The following PRSS48 variants were observed in gnomAD, a reference collection of about 807,000 sequenced individuals.
PRSS48 encodes the protein epidermis-specific serine protease-like protein.
PRSS48 carries 21 observed loss-of-function variants against 25.6 expected under a neutral mutation model. The observed-to-expected ratio is 0.82, with a 90% CI of 0.58 to 1.18. The LOEUF is 1.18. Ranked by LOEUF, PRSS48 falls within the 50% of genes most tolerant of loss-of-function variation. The pLI, the probability that PRSS48 is intolerant of heterozygous loss-of-function variation, is 0.00. For missense variants in PRSS48, 373 were observed against 399.3 expected, an observed-to-expected ratio of 0.93 and a Z score of 0.56; for synonymous variants, 150 against 149.3, an observed-to-expected ratio of 1.00 and a Z score of -0.04.
chr4:151,278,227 T>C (rs923311684), intron 1 of PRSS48, among the ~76,000 whole-genome samples: 4 of 152,186 alleles, frequency 2.6e-5, no homozygotes, highest in Admixed American at 2.6e-4. Context: ...ATATTCCTGA[T>C]GGTGACCTTG....
intron 2 of PRSS48, among the ~76,000 whole-genome samples, chr4:151,280,296 T>A (rs144668892): frequency 1.8e-4 from 27 of 152,222 alleles, no homozygotes; most frequent in African/African-American, 5.8e-4. Flanking sequence ...ATGTGGTGAG[T>A]GTCCCTATGG....
chr4:151,281,190 A>G (rs891042065), intron 2 of PRSS48, among the ~76,000 whole-genome samples: 3 of 152,342 alleles, frequency 2.0e-5, no homozygotes, highest in Non-Finnish European at 2.9e-5. Context: ...AGAATGCCTG[A>G]CAAGTTTGAA....
intron 4 of PRSS48, among the ~76,000 whole-genome samples, chr4:151,288,759 T>C (rs1180265445): frequency 6.6e-6 from 1 of 152,110 alleles, no homozygotes; most frequent in Non-Finnish European, 1.5e-5. Flanking sequence ...AAAACAATAT[T>C]CCATTTATAA....
At chr4:151,282,352 G>A in exon 3 of PRSS48, 1 of 1,613,888 alleles carries the variant, frequency 6.2e-7, no homozygotes, top group Non-Finnish European at 8.5e-7. Flanking sequence ...GTGTCACAAA[G>A]CAGTTGGCAA....
At position 151,282,455 on chromosome 4, in the gene PRSS48, T is replaced by C. The variant is rs777930048; in HGVS notation, c.481+42T>C. On this transcript the variant is annotated intron_variant, in intron 3 of 4. Transcript: ENST00000455694. The stretch of plus-strand genomic sequence containing the variant: ...AGAAGGGTTGTTTCATATGTCATCC[T>C]CTTGTACTCCAGAACATTCATATTC... The C allele has an allele frequency of 6.9e-6, 11 of 1,602,866 alleles. No homozygotes were observed. The South Asian group carries it at 7.8e-5, about 11-fold the overall frequency.
intron 4 of PRSS48, among the ~76,000 whole-genome samples, chr4:151,288,611 G>C (rs567291636): frequency 6.6e-6 from 1 of 152,002 alleles, no homozygotes; most frequent in Non-Finnish European, 1.5e-5. Flanking sequence ...GCTGGGCGTA[G>C]TGAGCTGAGA....
At chr4:151,282,105 C>T in intron 2 of PRSS48, 43 bp from the exon 3 acceptor site, 3 of 1,604,300 alleles carry the variant, frequency 1.9e-6, no homozygotes, top group Non-Finnish European at 1.7e-6. Flanking sequence ...CTGTTCTGAC[C>T]CAGCTGCAGG....
chr4:151,282,025 G>C, intron 2 of PRSS48, 123 bp from the exon 3 acceptor site: 1 of 945,666 alleles, frequency 1.1e-6, no homozygotes, highest in Non-Finnish European at 1.6e-6. Context: ...GAAGTTGGAA[G>C]CACCATGGTT....
chr4:151,291,625 G>A (rs1775344118), downstream of PRSS48, among the ~76,000 whole-genome samples: 1 of 152,172 alleles, frequency 6.6e-6, no homozygotes, highest in Non-Finnish European at 1.5e-5. Flanking sequence ...TCCAAGACAG[G>A]AAGGATGTCC....
intron 4 of PRSS48, among the ~76,000 whole-genome samples, chr4:151,286,432 TA>T (rs533593468): frequency 3.8e-4 from 57 of 149,572 alleles, no homozygotes; most frequent in African/African-American, 1.2e-3. Flanking sequence ...CTTACAGAAA[TA>T]AAAAGAATTT....
exon 5 of PRSS48, chr4:151,291,351 T>C (rs1775322382): frequency 3.1e-6 from 5 of 1,614,028 alleles, no homozygotes; most frequent in Non-Finnish European, 4.2e-6. Flanking sequence ...CCTGTGCCTT[T>C]GGACCTAACA....
intron 2 of PRSS48, among the ~76,000 whole-genome samples, chr4:151,281,672 T>G (rs1774248622): frequency 2.0e-5 from 1 of 49,594 alleles, no homozygotes; most frequent in South Asian, 4.0e-4. Flanking sequence ...GAACTTGTTA[T>G]TTATTTATTT....
intron 4 of PRSS48, among the ~76,000 whole-genome samples, chr4:151,289,315 G>GA (rs1308907998): frequency 6.6e-6 from 1 of 152,138 alleles, no homozygotes; most frequent in Non-Finnish European, 1.5e-5. Flanking sequence ...TTGTGACCTT[G>GA]ATTAGGCAAC....
exon 3 of PRSS48, chr4:151,282,247 T>A (rs202018966): frequency 1.9e-6 from 3 of 1,613,944 alleles, no homozygotes; most frequent in Admixed American, 3.3e-5. Flanking sequence ...TCGTCATCCA[T>A]CCCAAGTACC....
chr4:151,291,178 GT>G lies in PRSS48; in HGVS notation c.713del (p.Val238GlufsTer5), dbSNP rs1775302458. ...TGGTGTATGGATCCAGACAGGAGTA[GT>G]AAGCTGGGGATTAGAATGTGGTAAA... is the stretch of plus-strand genomic sequence containing the variant. On this transcript the variant is annotated frameshift_variant, in exon 5 of 5. Transcript: ENST00000455694. LOFTEE classifies it low-confidence loss of function (END_TRUNC). The G allele has an allele frequency of 6.2e-7, 1 of 1,613,846 alleles. No homozygotes were observed. The highest frequency in any genetic ancestry group is 1.3e-5 in the African/African-American group (1 of 74,932).
chr4:151,280,355 A>C (rs545123951), intron 2 of PRSS48, among the ~76,000 whole-genome samples: 1 of 152,122 alleles, frequency 6.6e-6, no homozygotes, highest in East Asian at 1.9e-4. Context: ...AGAAGACCCA[A>C]AGCCTACCAA....
chr4:151,279,275 C>T (rs766933578), intron 1 of PRSS48: 4 of 206,342 alleles, frequency 1.9e-5, no homozygotes, highest in Non-Finnish European at 2.9e-5. Flanking sequence ...ACTATATTGC[C>T]CAGGCCTCAA....
At chr4:151,283,373 G>T in intron 4 of PRSS48, 87 bp downstream of exon 4, 1 of 1,243,174 alleles carries the variant, frequency 8.0e-7, no homozygotes, top group Non-Finnish European at 1.1e-6. Flanking sequence ...ACAGTGGATT[G>T]GGAGTCAGGA....
intron 1 of PRSS48, among the ~76,000 whole-genome samples, chr4:151,278,774 G>C (rs1160166006): frequency 6.6e-6 from 1 of 152,138 alleles, no homozygotes; most frequent in Non-Finnish European, 1.5e-5. Flanking sequence ...GGGACTACAG[G>C]CATGCACCAT....
Sources: gnomAD v4.1 joint callset for allele counts (sites outside exome capture counted in the v4.1 genomes callset) on GRCh38, gnomAD v4.1.1 for gene constraint, MANE v1.5 for transcripts, NCBI Gene and HGNC (gene_info 2026-07-23, HGNC 2026-07-21) for gene names.